Variants in RILPL1 observed in about 807,000 individuals in gnomAD.
RILPL1 encodes RILP-like protein 1.
RILPL1 carries 33 observed loss-of-function variants against 50.3 expected under a neutral mutation model. The observed-to-expected ratio is 0.66, with a 90% CI of 0.50 to 0.88. RILPL1 has a LOEUF of 0.88. Ranked by LOEUF, RILPL1 falls within the 40% of genes least tolerant of loss-of-function variation. RILPL1 has a pLI of 0.00. For missense variants in RILPL1, 418 were observed against 542.5 expected (o/e 0.77, Z 2.28); for synonymous variants, 205 against 228.6 (o/e 0.90, Z 0.93).
intron 2 of RILPL1, among the ~76,000 whole-genome samples, chr12:123,500,265 T>A (rs1883291564): frequency 7.0e-6 from 1 of 143,706 alleles, no homozygotes; most frequent in South Asian, 2.2e-4. Flanking sequence ...TTACAGTTCC[T>A]ATGTGTCCCT....
At chr12:123,482,034 C>T (rs1034074868) in intron 6 of RILPL1, among the ~76,000 whole-genome samples, 3 of 151,978 alleles carry the variant, frequency 2.0e-5, no homozygotes, top group Admixed American at 6.6e-5. Context: ...CCACCACGCC[C>T]AGCTAATTTT....
chr12:123,502,694 A>T (rs1207768207), intron 2 of RILPL1, among the ~76,000 whole-genome samples: 1 of 152,214 alleles, frequency 6.6e-6, no homozygotes, highest in Non-Finnish European at 1.5e-5. Flanking sequence ...GTTATTGTTG[A>T]ATTAATGACC....
Position 123,491,459 on chromosome 12 carries a change from G to A in RILPL1, c.802-5654C>T, listed in dbSNP as rs1053742377. Among the ~76,000 whole-genome samples, 1 of 152,182 alleles carries A rather than the reference G, an allele frequency of 6.6e-6. No individual in the cohort carries two copies. The highest frequency in any genetic ancestry group is 2.1e-4 in the South Asian group (1 of 4,834). ...CATCCTGGGTCAGGGCCTCCATCCC[G>A]AGGCCTTAGGAATGCTCCTCACTGC... On this transcript the variant is annotated intron_variant, in intron 4 of 6. Coordinates refer to ENST00000376874, the MANE Select transcript of RILPL1 (RefSeq NM_178314.5). This position sits in a 1 kb window ranked among gnomAD's most constrained non-coding sequence, Gnocchi z 4.0.
chr12:123,526,344 T>C (rs1166440546), intron 1 of RILPL1, among the ~76,000 whole-genome samples: 1 of 119,910 alleles, frequency 8.3e-6, no homozygotes, highest in Non-Finnish European at 1.9e-5. Context: ...AAAAATAAAA[T>C]AAAATAGTGG....
Position 123,472,284 on chromosome 12 carries a change from A to G in RILPL1, c.*254T>C. 1 of 436,542 alleles carries G rather than the reference A, an allele frequency of 2.3e-6. No individual in the cohort carries two copies. Among genetic ancestry groups the G allele is most frequent in the South Asian group, 4.4e-5 (1 of 22,830 alleles). The allele number at this position is 436,542 out of a possible 1,614,324, so 27.0% of individuals were successfully genotyped here. On this transcript the variant is annotated 3_prime_UTR_variant, in exon 7 of 7. Transcript: ENST00000376874. ...AAGTCTGGCCTCCGTTTGTGGGATT[A>G]TTAAATATATATCCTACGGGATCAG...
Position 123,498,593 on chromosome 12 carries a change from C to T in RILPL1, c.752G>A (p.Arg251Gln), listed in dbSNP as rs200267887. 1,724 of 1,613,694 alleles carry T rather than the reference C, an allele frequency of 1.1e-3. 1 individual carries two copies. Among genetic ancestry groups the T allele is most frequent in the Admixed American group, 2.6e-3 (157 of 60,010 alleles). ...GSLRAELGKL[R>Q]ERLQGEHSQN... The stretch of plus-strand genomic sequence containing the variant: ...GCTGTGCTCCCCCTGCAGCCTCTCT[C>T]GCAACTTCCCCAGCTCTGCTCGCAG... The change falls in exon 4 of 7, where the codon CGA (arginine) becomes CAA (glutamine). Residue 251 changes from arginine to glutamine, a missense_variant. By Grantham distance (43) the Arg-to-Gln change is conservative. Transcript: ENST00000376874. The surrounding 1 kb of genome is among the most constrained non-coding windows in gnomAD (Gnocchi z 4.3).
At position 123,485,742 on chromosome 12, in the gene RILPL1, G is replaced by A. The variant is rs773392815; in HGVS notation, c.865C>T (p.Pro289Ser). The change falls in exon 5 of 7, where the codon CCC (proline) becomes TCC (serine). Residue 289 changes from proline to serine, a missense_variant. Coordinates refer to ENST00000376874, the MANE Select transcript of RILPL1 (RefSeq NM_178314.5). The surrounding 1 kb of genome is among the most constrained non-coding windows in gnomAD (Gnocchi z 4.0). ...TGCAGGGTGAACCGGGGGCGGTTGGGGTCCTTGAGATCCATGGCCACCTTC... is the reference window on the plus strand; with the variant it reads ...TGCAGGGTGAACCGGGGGCGGTTGGAGTCCTTGAGATCCATGGCCACCTTC... ...AEKVAMDLKD[P>S]NRPRFTLQEL... is the part of the protein sequence containing the mutation. The A allele has an allele frequency of 3.1e-6, 5 of 1,612,820 alleles. No homozygotes were observed. In the Admixed American group the frequency reaches 8.4e-5, roughly 27 times the overall value.
intron 4 of RILPL1, among the ~76,000 whole-genome samples, chr12:123,488,461 AAAG>A (rs1043320164): frequency 2.0e-4 from 30 of 151,638 alleles, no homozygotes; most frequent in Non-Finnish European, 2.9e-4. Context: ...AAAAAAAAAA[AAAG>A]AAGAAGAAGA....
chr12:123,503,263 C>T (rs28557411), intron 2 of RILPL1, among the ~76,000 whole-genome samples: 40,317 of 136,820 alleles, frequency 0.29, 6,852 homozygotes, highest in African/African-American at 0.47. Context: ...TGCAGTGGCG[C>T]GATCTCAGCT....
chr12:123,501,708 C>A (rs1235128856), intron 2 of RILPL1, among the ~76,000 whole-genome samples: 2 of 141,778 alleles, frequency 1.4e-5, no homozygotes, highest in Admixed American at 7.3e-5. Flanking sequence ...TGCAGTGAGC[C>A]AAGATCACGC....
rs936020813 is a variant in RILPL1, at chr12:123,472,589, G to A, written c.1161C>T (p.His387=). The change falls in exon 7 of 7, where the codon CAC becomes CAT. Residue 387 remains histidine (H), a synonymous_variant. Coordinates refer to ENST00000376874, the MANE Select transcript of RILPL1 (RefSeq NM_178314.5). ...QESFGQWANT[H]RDDGYTEQGQ... The stretch of plus-strand genomic sequence containing the variant: ...CTTGCTCTGTGTAACCGTCATCGCG[G>A]TGGGTGTTTGCCCACTGTCCAAAGG... The A allele has an allele frequency of 7.0e-6, 11 of 1,563,084 alleles. No individual in the cohort carries two copies. Among genetic ancestry groups the A allele is most frequent in the Non-Finnish European group, 8.7e-6 (10 of 1,153,254 alleles).
intron 6 of RILPL1, 110 bp downstream of exon 6, chr12:123,484,070 T>A (rs895230185): frequency 5.1e-5 from 34 of 672,182 alleles, no homozygotes; most frequent in Non-Finnish European, 8.5e-5. Context: ...CTCAGCAGGA[T>A]GTGGTTAGTC....
At chr12:123,507,275 G>A (rs538336284) in intron 2 of RILPL1, among the ~76,000 whole-genome samples, 155 of 152,246 alleles carry the variant, frequency 1.0e-3, no homozygotes, top group African/African-American at 3.6e-3. Context: ...CTATTTGAAA[G>A]ACTGAGGCCA....
rs892800604 is a variant in RILPL1 at position 123,522,530 on chromosome 12, A to G, written c.460+965T>C. Among the ~76,000 whole-genome samples the G allele has an allele frequency of 6.6e-6, 1 of 152,172 alleles. No homozygotes were observed. The highest frequency in any genetic ancestry group is 1.5e-5 in the Non-Finnish European group (1 of 68,026). ...GAATAAAATCCAAACCTCAGCCTCT[A>G]AGGAGCTACATGAACTGACCCCTGT... On this transcript the variant is annotated intron_variant, in intron 2 of 6. Transcript: ENST00000376874. This position sits in a 1 kb window ranked among gnomAD's most constrained non-coding sequence, Gnocchi z 4.0.
chr12:123,481,668 T>A (rs142145265), intron 6 of RILPL1, among the ~76,000 whole-genome samples: 3,742 of 151,998 alleles, frequency 0.025, 76 homozygotes, highest in Admixed American at 0.063. Flanking sequence ...GCGATTCTCC[T>A]GCCTCAGCCT....
At chr12:123,503,179 G>A (rs1179499806) in intron 2 of RILPL1, among the ~76,000 whole-genome samples, 6 of 124,106 alleles carry the variant, frequency 4.8e-5, no homozygotes, top group South Asian at 5.7e-4. Context: ...GAACCACCAC[G>A]CCTGGCCTTT....
intron 6 of RILPL1, among the ~76,000 whole-genome samples, chr12:123,481,642 T>G (rs1593536205): frequency 1.3e-5 from 2 of 151,872 alleles, no homozygotes; most frequent in Non-Finnish European, 2.9e-5. Flanking sequence ...CTGCAACCTC[T>G]GTCTCCCAGG....
At position 123,494,555 on chromosome 12, in the gene RILPL1, G is replaced by A. The variant is rs538527319; in HGVS notation, c.801+3989C>T. 4.6e-5 allele frequency among the ~76,000 whole-genome samples: 7 copies of A among 152,298 alleles called. No individual in the cohort carries two copies. In the South Asian group the frequency reaches 1.2e-3, roughly 27 times the overall value. ...GGAGTCTCGATGTTCTTGAGACCCCGGTGTGGGCCAGGCCCTGCCTGGCCA... is the reference window on the plus strand; with the variant it reads ...GGAGTCTCGATGTTCTTGAGACCCCAGTGTGGGCCAGGCCCTGCCTGGCCA... On this transcript the variant is annotated intron_variant, in intron 4 of 6. Coordinates refer to ENST00000376874, the MANE Select transcript of RILPL1 (RefSeq NM_178314.5).
At chr12:123,507,614 T>C (rs1303049395) in intron 2 of RILPL1, among the ~76,000 whole-genome samples, 2 of 149,876 alleles carry the variant, frequency 1.3e-5, no homozygotes, top group African/African-American at 4.9e-5. Flanking sequence ...TTGGAGAAAT[T>C]AGAACCTTTA....
Sources: allele counts gnomAD v4.1 joint callset (sites outside exome capture counted in the v4.1 genomes callset), GRCh38; gene constraint gnomAD v4.1.1; non-coding constraint Gnocchi (gnomAD v3.1); transcripts MANE v1.5; gene names NCBI Gene and HGNC (gene_info 2026-07-23, HGNC 2026-07-21).